The following ARHGAP42 variants were observed in gnomAD, a reference collection of about 807,000 sequenced individuals.
ARHGAP42 encodes the protein rho GTPase-activating protein 42.
In ARHGAP42, 63 loss-of-function variants were observed where a neutral mutation model predicts 125.0. The observed-to-expected ratio is 0.50, with a 90% CI of 0.41 to 0.62. The LOEUF is 0.62. Among genes scored for constraint, ARHGAP42 ranks in the 20% least tolerant of loss-of-function variants. ARHGAP42 has a pLI of 0.00. For missense variants in ARHGAP42, 766 were observed against 1,024.2 expected (o/e 0.75, Z 3.44); for synonymous variants, 339 against 351.0 (o/e 0.97, Z 0.38).
At chr11:100,866,126 A>G (rs1377597257) in intron 4 of ARHGAP42, among the ~76,000 whole-genome samples, 1 of 152,214 alleles carries the variant, frequency 6.6e-6, no homozygotes, top group Non-Finnish European at 1.5e-5. Context: ...TTCACAAGGA[A>G]TAGATTCTAT....
At chr11:100,872,642 C>G (rs889968425) in intron 4 of ARHGAP42, among the ~76,000 whole-genome samples, 1 of 152,148 alleles carries the variant, frequency 6.6e-6, no homozygotes, top group African/African-American at 2.4e-5. Context: ...ATTTGTCCGC[C>G]TCAGCCTCCC....
At chr11:100,718,893 TGATA>T (rs1861710298) in intron 1 of ARHGAP42, among the ~76,000 whole-genome samples, 1 of 152,254 alleles carries the variant, frequency 6.6e-6, no homozygotes, top group Non-Finnish European at 1.5e-5. Context: ...GTATTGCATT[TGATA>T]GATTTCATAT....
chr11:100,974,635 C>A (rs1470813057), intron 19 of ARHGAP42, 32 bp downstream of exon 19: 13 of 1,525,896 alleles, frequency 8.5e-6, no homozygotes, highest in Non-Finnish European at 1.1e-5. Flanking sequence ...GAGATGCTTT[C>A]TTCATTCTTT....
intron 1 of ARHGAP42, among the ~76,000 whole-genome samples, chr11:100,697,752 C>T (rs1861312349): frequency 6.6e-6 from 1 of 152,116 alleles, no homozygotes; most frequent in Non-Finnish European, 1.5e-5. Flanking sequence ...TATCCCTTTC[C>T]AAATGAGAGC....
In ARHGAP42 at chr11:100,988,811, G is replaced by A; in HGVS notation, c.*10G>A. 1 of 1,523,806 alleles carries A rather than the reference G, an allele frequency of 6.6e-7. No homozygotes were observed. The highest frequency in any genetic ancestry group is 8.9e-7 in the Non-Finnish European group (1 of 1,123,756). The allele number at this position is 1,523,806 out of a possible 1,614,324, so 94.4% of individuals were successfully genotyped here. A position where few individuals can be genotyped will look rare whatever the true frequency, so the allele number is the denominator to read the frequency against. Reference sequence around the variant, plus strand: ...TGTTGTCTTCCTCTAATACTATTTAGTGGATGGCAGTATCTTCATGGTATC... The same window carrying A: ...TGTTGTCTTCCTCTAATACTATTTAATGGATGGCAGTATCTTCATGGTATC... On this transcript the variant is annotated 3_prime_UTR_variant, in exon 24 of 24. Transcript: ENST00000298815.
chr11:100,886,160 A>G (rs928227701), intron 4 of ARHGAP42, among the ~76,000 whole-genome samples: 2 of 152,208 alleles, frequency 1.3e-5, no homozygotes, highest in African/African-American at 4.8e-5. Context: ...ATCTCTTTAG[A>G]TTTCAAAGGA....
In ARHGAP42 at chr11:100,711,831, T is replaced by A. The variant is rs1861570109; in HGVS notation, c.154+23999T>A. On this transcript the variant is annotated intron_variant, in intron 1 of 23. Coordinates refer to ENST00000298815, the MANE Select transcript of ARHGAP42 (RefSeq NM_152432.4). ...AAACAGCTGTTAGCCTATGAGAAGA[T>A]AATCACCTTTACCAGGAGTCAAAGA... Among the ~76,000 whole-genome samples the A allele has an allele frequency of 2.0e-5, 3 of 152,194 alleles. No individual in the cohort carries two copies. The South Asian group carries it at 6.2e-4, about 31-fold the overall frequency.
intron 16 of ARHGAP42, among the ~76,000 whole-genome samples, chr11:100,964,012 TC>T (rs1247720281): frequency 6.6e-6 from 1 of 151,880 alleles, no homozygotes; most frequent in Non-Finnish European, 1.5e-5. Context: ...ATAATAATAT[TC>T]ATGACTATGA....
intron 2 of ARHGAP42, among the ~76,000 whole-genome samples, chr11:100,776,286 G>A (rs1039665511): frequency 4.6e-5 from 7 of 152,308 alleles, no homozygotes; most frequent in Middle Eastern, 3.4e-3. Context: ...GTCCAGTTGC[G>A]ATTGTGCGTA....
chr11:100,808,122 A>G (rs912713856), intron 3 of ARHGAP42, among the ~76,000 whole-genome samples: 1 of 152,230 alleles, frequency 6.6e-6, no homozygotes, highest in African/African-American at 2.4e-5. Context: ...TATAAAAGAT[A>G]TCCTGAAGGG....
At chr11:100,776,623 T>G (rs1863131148) in intron 2 of ARHGAP42, among the ~76,000 whole-genome samples, 1 of 152,178 alleles carries the variant, frequency 6.6e-6, no homozygotes, top group South Asian at 2.1e-4. Flanking sequence ...GTATTGCTGG[T>G]CCCTTGTTTA....
intron 3 of ARHGAP42, among the ~76,000 whole-genome samples, chr11:100,807,839 A>T (rs547085752): frequency 6.6e-6 from 1 of 152,110 alleles, no homozygotes; most frequent in Non-Finnish European, 1.5e-5. Context: ...TTATCTTTGC[A>T]CTTTTGGAAA....
chr11:100,698,816 G>A (rs1861338795), intron 1 of ARHGAP42, among the ~76,000 whole-genome samples: 1 of 152,206 alleles, frequency 6.6e-6, no homozygotes, highest in African/African-American at 2.4e-5. Context: ...GAGGCACACT[G>A]TTTGCGGGAG....
intron 1 of ARHGAP42, among the ~76,000 whole-genome samples, chr11:100,721,577 A>T (rs61910478): frequency 0.24 from 35,626 of 151,456 alleles, 4,380 homozygotes; most frequent in Non-Finnish European, 0.26. Context: ...GGTTCAAGCA[A>T]TTCTTCTGCC....
chr11:100,709,064 G>A (rs1370711488), intron 1 of ARHGAP42, among the ~76,000 whole-genome samples: 1 of 151,624 alleles, frequency 6.6e-6, no homozygotes, highest in Non-Finnish European at 1.5e-5. Context: ...TTTTGAGATG[G>A]AGTCTCACCC....
chr11:100,779,245 G>A (rs1177379242), intron 2 of ARHGAP42, among the ~76,000 whole-genome samples: 1 of 151,240 alleles, frequency 6.6e-6, no homozygotes, highest in Non-Finnish European at 1.5e-5. Flanking sequence ...TCAGGAGTTC[G>A]AGACCAGCCT....
intron 3 of ARHGAP42, among the ~76,000 whole-genome samples, chr11:100,813,969 T>TG (rs1055007567): frequency 4.6e-5 from 7 of 151,904 alleles, no homozygotes; most frequent in African/African-American, 1.7e-4. Flanking sequence ...GCGAAGCAGG[T>TG]GGAGCATGAG....
At chr11:100,883,463 C>T (rs1030494531) in intron 4 of ARHGAP42, among the ~76,000 whole-genome samples, 2 of 152,098 alleles carry the variant, frequency 1.3e-5, no homozygotes, top group Non-Finnish European at 1.5e-5. Context: ...CTGCCTCAGC[C>T]TCCCAAGTAG....
chr11:100,737,977 G>A (rs1008188061), intron 1 of ARHGAP42, among the ~76,000 whole-genome samples: 1 of 152,178 alleles, frequency 6.6e-6, no homozygotes, highest in East Asian at 1.9e-4. Flanking sequence ...CAGTGAGGAA[G>A]AAATTGTATT....
Sources: allele counts gnomAD v4.1 joint callset (sites outside exome capture counted in the v4.1 genomes callset), GRCh38; gene constraint gnomAD v4.1.1; transcripts MANE v1.5; gene names NCBI Gene and HGNC (gene_info 2026-07-23, HGNC 2026-07-21).